Variants in DYNC2LI1 observed in about 807,000 individuals in gnomAD.
DYNC2LI1 encodes the protein cytoplasmic dynein 2 light intermediate chain 1.
DYNC2LI1 carries 45 observed loss-of-function variants against 51.9 expected under a neutral mutation model. The observed-to-expected ratio is 0.87, with a 90% CI of 0.68 to 1.11. The LOEUF is 1.11. DYNC2LI1 is among the 50% of genes most tolerant of loss of function. The pLI is 0.00. For missense variants in DYNC2LI1, 490 were observed against 417.4 expected, an observed-to-expected ratio of 1.17 and a Z score of -1.51; for synonymous variants, 130 against 137.8, an observed-to-expected ratio of 0.94 and a Z score of 0.40.
chr2:43,822,470 T>TA, the DYNC2LI1 span: 1 of 354,564 alleles, frequency 2.8e-6, no homozygotes, highest in Non-Finnish European at 3.6e-6. Context: ...CTTTCTCCCC[T>TA]CCCCCAGGCC....
chr2:43,784,870 G>A (rs1221861773), intron 3 of DYNC2LI1, among the ~76,000 whole-genome samples: 2 of 152,054 alleles, frequency 1.3e-5, no homozygotes, highest in African/African-American at 4.8e-5. Flanking sequence ...TATCTTTTGG[G>A]ACATATAACC....
At chr2:43,785,115 TAGTG>T (rs1417753029) in intron 3 of DYNC2LI1, among the ~76,000 whole-genome samples, 2 of 151,804 alleles carry the variant, frequency 1.3e-5, no homozygotes, top group Admixed American at 6.6e-5. Flanking sequence ...TTGGCCAACA[TAGTG>T]AGAACTCGTC....
At chr2:43,813,739 A>G (rs1275459320), downstream of DYNC2LI1, among the ~76,000 whole-genome samples, 1 of 59,576 alleles carries the variant, frequency 1.7e-5, no homozygotes, top group Non-Finnish European at 2.9e-5. Context: ...TTTTTTTGAG[A>G]CACAGTTTCA....
intron 2 of DYNC2LI1, among the ~76,000 whole-genome samples, chr2:43,782,244 C>T (rs72873524): frequency 0.086 from 13,103 of 151,938 alleles, 659 homozygotes; most frequent in Middle Eastern, 0.15. Context: ...TAACACTGGC[C>T]AATAAACATC....
the DYNC2LI1 span, chr2:43,824,098 AC>A: frequency 1.9e-6 from 3 of 1,613,850 alleles, no homozygotes; most frequent in Non-Finnish European, 2.5e-6. Flanking sequence ...CTTATTTCTC[AC>A]CAAGTTTCTT....
chr2:43,812,835 T>A (rs1666553297), downstream of DYNC2LI1: 1 of 381,578 alleles, frequency 2.6e-6, no homozygotes, highest in Non-Finnish European at 4.8e-6. Context: ...GTCACACGAG[T>A]CTCCCATAGG....
intron 1 of DYNC2LI1, among the ~76,000 whole-genome samples, chr2:43,775,530 G>C (rs1348794190): frequency 6.6e-6 from 1 of 150,528 alleles, no homozygotes; most frequent in Non-Finnish European, 1.5e-5. Context: ...ACAAGGTCTT[G>C]CTGTGTCACC....
chr2:43,812,595 G>A (rs922834474), downstream of DYNC2LI1: 2 of 169,160 alleles, frequency 1.2e-5, no homozygotes, highest in Admixed American at 5.6e-5. Context: ...AGGTAACTCC[G>A]ACCCCTCGTG....
intron 2 of DYNC2LI1, among the ~76,000 whole-genome samples, chr2:43,778,513 C>G (rs2104659460): frequency 6.6e-6 from 1 of 152,204 alleles, no homozygotes; most frequent in East Asian, 1.9e-4. Context: ...AGGCATAGTA[C>G]TTAACAGTTT....
rs778946319 is a variant in DYNC2LI1, at chr2:43,800,896, T to G, written c.710T>G (p.Leu237Trp). 14 of 1,603,358 alleles carry G rather than the reference T, an allele frequency of 8.7e-6. No individual in the cohort carries two copies. The South Asian group carries it at 1.6e-4, about 18-fold the overall frequency. The change falls in exon 9 of 13, where the codon TTG (leucine) becomes TGG (tryptophan). Residue 237 changes from leucine to tryptophan, a missense_variant. Transcript: ENST00000260605. ...LLKIRGVINQ[L>W]AFGIDKSKSI... ...AAAATACGTGGAGTTATCAACCAGT[T>G]GGCATTTGGCATTGACAAAAGGTAC... is the stretch of plus-strand genomic sequence containing the variant.
In DYNC2LI1 at chr2:43,784,470, G is replaced by A. The variant is rs188811258; in HGVS notation, c.161+916G>A. On this transcript the variant is annotated intron_variant, in intron 3 of 12. Transcript: ENST00000260605. ...TTTTTTTTTTTTGAGATGGAGTTTC[G>A]CTCTTGTTGCCCAGGCTGGAGTGCA... is the stretch of plus-strand genomic sequence containing the variant. Among the ~76,000 whole-genome samples the A allele has an allele frequency of 2.2e-3, 330 of 150,586 alleles. 1 individual carries two copies. The highest frequency in any genetic ancestry group is 7.8e-3 in the African/African-American group (319 of 40,972).
the DYNC2LI1 span, among the ~76,000 whole-genome samples, chr2:43,820,979 C>G: frequency 6.6e-6 from 1 of 152,056 alleles, no homozygotes; most frequent in Non-Finnish European, 1.5e-5. Flanking sequence ...TGTAAACAAA[C>G]CACCCTATAT....
Position 43,794,735 on chromosome 2 carries a change from T to C in DYNC2LI1, c.507+92T>C, listed in dbSNP as rs1272045808. 25 of 1,600,326 alleles carry C rather than the reference T, an allele frequency of 1.6e-5. No individual in the cohort carries two copies. The Admixed American group carries it at 4.3e-4, about 27-fold the overall frequency. On this transcript the variant is annotated intron_variant, in intron 6 of 12. Transcript: ENST00000260605. The stretch of plus-strand genomic sequence containing the variant: ...AACAACTTCTTTAGATTTTTATGCA[T>C]GACTTGAAATTCATTTGATGTAGAT...
chr2:43,822,227 C>T, the DYNC2LI1 span, among the ~76,000 whole-genome samples: 1 of 152,142 alleles, frequency 6.6e-6, no homozygotes, highest in Non-Finnish European at 1.5e-5. Flanking sequence ...TACCGAAGCT[C>T]TTTTTTGGGA....
At chr2:43,827,926 G>T in the DYNC2LI1 span, 3 of 1,608,582 alleles carry the variant, frequency 1.9e-6, no homozygotes, top group African/African-American at 4.0e-5. Flanking sequence ...CAAAGTATCT[G>T]CACACACACA....
intron 3 of DYNC2LI1, among the ~76,000 whole-genome samples, chr2:43,784,178 A>C (rs1217217270): frequency 1.3e-5 from 2 of 152,222 alleles, no homozygotes; most frequent in Non-Finnish European, 2.9e-5. Flanking sequence ...CACATTAAAG[A>C]AACATCACTC....
chr2:43,814,496 G>A (rs149027497), downstream of DYNC2LI1: 23 of 1,605,736 alleles, frequency 1.4e-5, no homozygotes, highest in Middle Eastern at 1.7e-4. Context: ...AATTCAGTCC[G>A]TAGAACTCAT....
At chr2:43,775,854 ATTTTTTTTTTTTTT>A (rs57868887) in intron 1 of DYNC2LI1, 11 of 50,418 alleles carry the variant, frequency 2.2e-4, no homozygotes, top group Admixed American at 1.4e-3. Flanking sequence ...CACCTGGCCA[ATTTTTTTTTTTTTT>A]TTTTTTTTTT....
intron 5 of DYNC2LI1, among the ~76,000 whole-genome samples, chr2:43,790,018 T>C (rs1673702192): frequency 6.6e-6 from 1 of 152,232 alleles, no homozygotes; most frequent in South Asian, 2.1e-4. Context: ...ATTCATTTTG[T>C]AAAAATAAAT....
Sources: allele counts gnomAD v4.1 joint callset (sites outside exome capture counted in the v4.1 genomes callset), GRCh38; gene constraint gnomAD v4.1.1; transcripts MANE v1.5; gene names NCBI Gene and HGNC (gene_info 2026-07-23, HGNC 2026-07-21).